Variants in SCAPER observed in about 807,000 individuals in gnomAD.
The protein encoded by SCAPER is S phase cyclin A-associated protein in the endoplasmic reticulum.
A neutral mutation model predicts 182.2 loss-of-function variants in SCAPER; 98 were observed. That is an observed-to-expected ratio of 0.54 (90% CI 0.46 to 0.64). SCAPER has a LOEUF of 0.64. SCAPER is among the 30% of genes least tolerant of loss of function. The pLI is 0.00. For synonymous variants in SCAPER, 605 were observed against 564.6 expected (o/e 1.07, Z -1.01); for missense variants, 1,432 against 1,690.0 (o/e 0.85, Z 2.68).
At chr15:76,879,479 GA>G (rs2073393623) in intron 2 of SCAPER, among the ~76,000 whole-genome samples, 1 of 152,142 alleles carries the variant, frequency 6.6e-6, no homozygotes, top group African/African-American at 2.4e-5. Flanking sequence ...GAATGTTAGA[GA>G]AAAGACTCTC....
chr15:76,868,128 C>T (rs2072425056), intron 2 of SCAPER, among the ~76,000 whole-genome samples: 1 of 152,112 alleles, frequency 6.6e-6, no homozygotes, highest in Non-Finnish European at 1.5e-5. Context: ...AAATAAACTA[C>T]TAATCTGTTG....
At chr15:76,892,390 T>C (rs1029417977) in intron 1 of SCAPER, among the ~76,000 whole-genome samples, 6 of 152,108 alleles carry the variant, frequency 3.9e-5, no homozygotes, top group Admixed American at 1.3e-4. Flanking sequence ...ACAGGCAACC[T>C]ACAGAATGGG....
chr15:76,424,648 G>C (rs1307282201), intron 26 of SCAPER, among the ~76,000 whole-genome samples: 1 of 152,150 alleles, frequency 6.6e-6, no homozygotes, highest in Admixed American at 6.5e-5. Flanking sequence ...GTGTGAATTT[G>C]ATCCTGCCAT....
Position 76,828,355 on chromosome 15 carries a change from G to A in SCAPER, c.393+13379C>T, listed in dbSNP as rs1018055705. On this transcript the variant is annotated intron_variant, in intron 5 of 31. Coordinates refer to ENST00000563290, the MANE Select transcript of SCAPER (RefSeq NM_020843.4). ...CAGTAGTTATGATATGGTAATTACA[G>A]TCTCAAGTTATTCCATTATTCAACA... Among the ~76,000 whole-genome samples the A allele has an allele frequency of 2.8e-4, 43 of 151,734 alleles. 2 individuals are homozygous for A. Among genetic ancestry groups the A allele is most frequent in the Admixed American group, 2.8e-3 (43 of 15,230 alleles).
chr15:76,405,147 C>T (rs901501729), intron 26 of SCAPER, among the ~76,000 whole-genome samples: 52 of 139,492 alleles, frequency 3.7e-4, no homozygotes, highest in African/African-American at 1.3e-3. Context: ...CAGCGTCTCA[C>T]TCTGTCACCT....
intron 2 of SCAPER, among the ~76,000 whole-genome samples, chr15:76,876,825 G>A (rs2151939530): frequency 6.6e-6 from 1 of 152,274 alleles, no homozygotes; most frequent in East Asian, 1.9e-4. Context: ...TATATTGAAA[G>A]TCCTAGCCTG....
intron 26 of SCAPER, among the ~76,000 whole-genome samples, chr15:76,408,684 G>C (rs1217242146): frequency 6.6e-6 from 1 of 151,790 alleles, no homozygotes; most frequent in East Asian, 2.0e-4. Flanking sequence ...CAAGGAGACT[G>C]ATGCTCAAGG....
intron 3 of SCAPER, among the ~76,000 whole-genome samples, chr15:76,859,610 T>A (rs1014240937): frequency 6.6e-6 from 1 of 152,242 alleles, no homozygotes; most frequent in African/African-American, 2.4e-5. Context: ...GGCAAAGTTT[T>A]AACAATATAA....
chr15:76,508,046 T>C (rs940577792), intron 23 of SCAPER, among the ~76,000 whole-genome samples: 4 of 152,206 alleles, frequency 2.6e-5, no homozygotes. Flanking sequence ...AGCTTTATAG[T>C]ATGCCTTGGT....
At chr15:76,471,019 C>A (rs1397178624) in intron 25 of SCAPER, 193 bp downstream of exon 25, 3 of 412,228 alleles carry the variant, frequency 7.3e-6, no homozygotes, top group Non-Finnish European at 1.2e-5. Flanking sequence ...GAATCCAATG[C>A]AAAAATTTCA....
At chr15:76,846,862 C>T (rs762929336) in intron 4 of SCAPER, among the ~76,000 whole-genome samples, 12 of 151,782 alleles carry the variant, frequency 7.9e-5, no homozygotes, top group Admixed American at 7.9e-4. Flanking sequence ...GTATATATAC[C>T]CAAAAGAAAA....
intron 20 of SCAPER, among the ~76,000 whole-genome samples, chr15:76,678,812 T>C (rs2057520273): frequency 6.6e-6 from 1 of 152,138 alleles, no homozygotes; most frequent in Non-Finnish European, 1.5e-5. Flanking sequence ...AGATACAGCA[T>C]ACTGAAGATA....
chr15:76,550,808 C>A (rs1358520553), intron 23 of SCAPER, among the ~76,000 whole-genome samples: 3 of 152,048 alleles, frequency 2.0e-5, no homozygotes, highest in Non-Finnish European at 2.9e-5. Flanking sequence ...TACATTTCCA[C>A]CAACAGTGTA....
intron 21 of SCAPER, among the ~76,000 whole-genome samples, chr15:76,649,439 C>A (rs1319440936): frequency 6.6e-6 from 1 of 151,604 alleles, no homozygotes; most frequent in African/African-American, 2.4e-5. Flanking sequence ...CTGCTCCCCA[C>A]CACCACCCCC....
chr15:76,562,099 G>A (rs1201312908), intron 23 of SCAPER, among the ~76,000 whole-genome samples: 1 of 126,920 alleles, frequency 7.9e-6, no homozygotes, highest in Non-Finnish European at 1.6e-5. Context: ...AGTGAGCTAA[G>A]ACTGCACCAT....
Position 76,883,827 on chromosome 15 carries a change from T to G in SCAPER, c.-10A>C. The G allele has an allele frequency of 6.5e-7, 1 of 1,533,114 alleles. No homozygotes were observed. Among genetic ancestry groups the G allele is most frequent in the Non-Finnish European group, 8.8e-7 (1 of 1,134,078 alleles). The allele number at this position is 1,533,114 out of a possible 1,614,324, so 95.0% of individuals were successfully genotyped here. A position where few individuals can be genotyped will look rare whatever the true frequency, so the allele number is the denominator to read the frequency against. ...TATCACTTACCATCATTCTTTAAAT[T>G]CTCTTCTATGCCAAGATCATTTATC... is the stretch of plus-strand genomic sequence containing the variant. On this transcript the variant is annotated 5_prime_UTR_variant, in exon 2 of 32. Coordinates refer to ENST00000563290, the MANE Select transcript of SCAPER (RefSeq NM_020843.4).
chr15:76,417,098 C>T (rs1328516639), intron 26 of SCAPER, among the ~76,000 whole-genome samples: 2 of 151,546 alleles, frequency 1.3e-5, no homozygotes, highest in African/African-American at 2.4e-5. Flanking sequence ...TAAAAAAGCA[C>T]ATTATAAAAG....
chr15:76,352,035 A>G (rs2040588025), intron 30 of SCAPER, among the ~76,000 whole-genome samples: 1 of 152,228 alleles, frequency 6.6e-6, no homozygotes, highest in Non-Finnish European at 1.5e-5. Context: ...AGATCCTGAT[A>G]TCATTTGTAT....
intron 24 of SCAPER, among the ~76,000 whole-genome samples, chr15:76,482,711 A>G (rs2051247481): frequency 6.6e-6 from 1 of 151,418 alleles, no homozygotes; most frequent in Non-Finnish European, 1.5e-5. Context: ...GCAATGACAA[A>G]TTGGAATTTG....
Sources: gnomAD v4.1 joint callset for allele counts (sites outside exome capture counted in the v4.1 genomes callset) on GRCh38, gnomAD v4.1.1 for gene constraint, MANE v1.5 for transcripts, NCBI Gene and HGNC (gene_info 2026-07-23, HGNC 2026-07-21) for gene names.